SSBP3: variants seen among roughly 807,000 people sequenced by gnomAD.
The protein encoded by SSBP3 is single-stranded DNA-binding protein 3.
SSBP3 carries 5 observed loss-of-function variants against 69.6 expected under a neutral mutation model. The ratio of observed to expected loss-of-function variants is 0.07; its 90% CI spans 0.04 to 0.15. SSBP3 has a LOEUF of 0.15. SSBP3 is among the 10% of genes least tolerant of loss of function. The probability of loss-of-function intolerance (pLI) is 1.00; values close to 1 mark genes in which losing one functional copy is unlikely to be tolerated. For missense variants in SSBP3, 312 were observed against 534.0 expected (o/e 0.58, Z 4.10); for synonymous variants, 196 against 193.4 (o/e 1.01, Z -0.11).
chr1:54,316,910 A>C (rs1646125097), intron 4 of SSBP3, among the ~76,000 whole-genome samples: 1 of 152,246 alleles, frequency 6.6e-6, no homozygotes, highest in African/African-American at 2.4e-5. Context: ...TTCTTGCTGC[A>C]TCCTCACACG....
At chr1:54,253,108 C>A (rs906575704) in intron 7 of SSBP3, among the ~76,000 whole-genome samples, 1 of 149,658 alleles carries the variant, frequency 6.7e-6, no homozygotes, top group African/African-American at 2.5e-5. Flanking sequence ...GGTTAAGGTA[C>A]GAGAGGATTG....
intron 3 of SSBP3, among the ~76,000 whole-genome samples, chr1:54,402,445 G>A (rs1346700120): frequency 3.3e-5 from 5 of 152,116 alleles, no homozygotes; most frequent in Non-Finnish European, 7.4e-5. Flanking sequence ...TATATGCCGC[G>A]ATTTGGAAGA....
chr1:54,310,827 A>C (rs10788978), intron 4 of SSBP3, among the ~76,000 whole-genome samples: 1 of 152,218 alleles, frequency 6.6e-6, no homozygotes, highest in Non-Finnish European at 1.5e-5. Flanking sequence ...ACCTGTGAGG[A>C]TGGGGGGAGA....
At chr1:54,273,701 G>C (rs999933674) in intron 5 of SSBP3, among the ~76,000 whole-genome samples, 3 of 152,258 alleles carry the variant, frequency 2.0e-5, no homozygotes, top group African/African-American at 7.2e-5. Flanking sequence ...CTGGACAGAG[G>C]AGCAAGCTAA....
chr1:54,241,876 G>A (rs907882411), intron 11 of SSBP3, among the ~76,000 whole-genome samples: 4 of 152,238 alleles, frequency 2.6e-5, no homozygotes, highest in Admixed American at 6.5e-5. Flanking sequence ...TGCTGGGGAG[G>A]AGATGGGTAG....
At chr1:54,226,243 G>A (rs1327181574) in exon 18 of SSBP3, 3 of 120,386 alleles carry the variant, frequency 2.5e-5, no homozygotes, top group East Asian at 4.3e-4. Context: ...CAGGAGAGGA[G>A]GAGGGTGTCC....
chr1:54,243,322 G>C, intron 9 of SSBP3, 23 bp from the exon 10 acceptor site: 1 of 1,614,064 alleles, frequency 6.2e-7, no homozygotes, highest in Non-Finnish European at 8.5e-7. Context: ...CCAAGGGTCA[G>C]TCTATGAGAA....
At chr1:54,332,936 A>G (rs546481098) in intron 4 of SSBP3, among the ~76,000 whole-genome samples, 6 of 152,144 alleles carry the variant, frequency 3.9e-5, no homozygotes, top group South Asian at 4.1e-4. Context: ...ACGCGCGAGC[A>G]CACACACACG....
intron 4 of SSBP3, among the ~76,000 whole-genome samples, chr1:54,389,587 A>G (rs1343508204): frequency 6.6e-6 from 1 of 152,172 alleles, no homozygotes; most frequent in Non-Finnish European, 1.5e-5. Context: ...GGCCAGGCAC[A>G]GTGGCTTACA....
chr1:54,228,527 A>AG (rs1195126860), intron 15 of SSBP3, 50 bp from the exon 16 acceptor site: 3 of 1,612,396 alleles, frequency 1.9e-6, no homozygotes, highest in Non-Finnish European at 2.5e-6. Context: ...TCTTCCACGG[A>AG]GGGGTCTCCC....
chr1:54,372,564 C>T (rs1647152495), intron 4 of SSBP3, among the ~76,000 whole-genome samples: 1 of 152,206 alleles, frequency 6.6e-6, no homozygotes, highest in Non-Finnish European at 1.5e-5. Context: ...TTCCAGACAA[C>T]AATCAACACA....
chr1:54,330,245 G>A (rs961947782), intron 4 of SSBP3, among the ~76,000 whole-genome samples: 7 of 152,166 alleles, frequency 4.6e-5, no homozygotes, highest in African/African-American at 1.7e-4. Context: ...ATTACCACCA[G>A]CAAGGAGGGA....
intron 4 of SSBP3, chr1:54,356,473 G>T (rs1646867951): frequency 6.6e-6 from 1 of 152,226 alleles, no homozygotes; most frequent in Non-Finnish European, 1.5e-5. Flanking sequence ...TGGCAAAATG[G>T]AACTGTGCCT....
intron 5 of SSBP3, among the ~76,000 whole-genome samples, chr1:54,271,177 C>G (rs59129241): frequency 2.1e-3 from 320 of 152,176 alleles, no homozygotes; most frequent in African/African-American, 7.2e-3. Flanking sequence ...GTGGTGTGAT[C>G]GAGGCTCACT....
At chr1:54,364,472 C>A (rs1646998247) in intron 4 of SSBP3, among the ~76,000 whole-genome samples, 1 of 152,244 alleles carries the variant, frequency 6.6e-6, no homozygotes, top group Non-Finnish European at 1.5e-5. Context: ...TCCCACCTGC[C>A]TCCCAACCTA....
At chr1:54,368,964 G>A (rs567224042) in intron 4 of SSBP3, among the ~76,000 whole-genome samples, 6 of 152,284 alleles carry the variant, frequency 3.9e-5, no homozygotes, top group African/African-American at 1.2e-4. Context: ...GGGCATGAGG[G>A]GAGGTGTAAA....
At chr1:54,275,309 G>T (rs1209503502) in intron 5 of SSBP3, among the ~76,000 whole-genome samples, 1 of 152,244 alleles carries the variant, frequency 6.6e-6, no homozygotes, top group Non-Finnish European at 1.5e-5. Flanking sequence ...CCGCCACCAA[G>T]CTTCCACTAG....
intron 1 of SSBP3, 65 bp from the exon 2 acceptor site, chr1:54,404,995 G>C: frequency 5.6e-6 from 8 of 1,437,330 alleles, no homozygotes; most frequent in Non-Finnish European, 7.8e-6. Flanking sequence ...GCGCTCTCCA[G>C]GACCTTGCCA....
chr1:54,227,658 G>A (rs1175188876), intron 17 of SSBP3, among the ~76,000 whole-genome samples: 2 of 152,130 alleles, frequency 1.3e-5, no homozygotes, highest in Non-Finnish European at 2.9e-5. Flanking sequence ...GCTTACAGCA[G>A]CCTCAACCTC....
Sources: gnomAD v4.1 joint callset for allele counts (sites outside exome capture counted in the v4.1 genomes callset) on GRCh38, gnomAD v4.1.1 for gene constraint, MANE v1.5 for transcripts, NCBI Gene and HGNC (gene_info 2026-07-23, HGNC 2026-07-21) for gene names.